Variants in SENP7 observed in about 807,000 individuals in gnomAD.
SENP7 encodes SUMO specific peptidase 7, also known as sentrin-specific protease 7.
Under a neutral mutation model 141.2 loss-of-function variants are expected in SENP7, and 64 were observed. That is an observed-to-expected ratio of 0.45 (90% CI 0.37 to 0.56). The LOEUF (loss-of-function observed/expected upper bound fraction) is 0.56. Ranked by LOEUF, SENP7 falls within the 20% of genes least tolerant of loss-of-function variation. SENP7 has a pLI of 0.00. For synonymous variants in SENP7, 382 were observed against 426.4 expected (o/e 0.90, Z 1.28); for missense variants, 1,025 against 1,212.2 (o/e 0.85, Z 2.29).
intron 1 of SENP7, among the ~76,000 whole-genome samples, chr3:101,512,556 C>A (rs1042667758): frequency 6.6e-6 from 1 of 152,238 alleles, no homozygotes; most frequent in Non-Finnish European, 1.5e-5. Flanking sequence ...ATTAGGCGGG[C>A]CTGTTCAGCA....
At chr3:101,363,161 G>A (rs1194655412) in intron 10 of SENP7, 1 of 936,954 alleles carries the variant, frequency 1.1e-6, no homozygotes, top group Non-Finnish European at 1.3e-6. Flanking sequence ...TCATTCTCAT[G>A]TTTTATTGCT....
chr3:101,367,508 GA>G (rs1287034339), intron 8 of SENP7, among the ~76,000 whole-genome samples: 2 of 151,956 alleles, frequency 1.3e-5, no homozygotes, highest in African/African-American at 4.8e-5. Flanking sequence ...TAGACAGTAT[GA>G]ATAGTATTTG....
At chr3:101,500,129 T>C (rs967869748) in intron 2 of SENP7, among the ~76,000 whole-genome samples, 1 of 152,362 alleles carries the variant, frequency 6.6e-6, no homozygotes, top group East Asian at 1.9e-4. Flanking sequence ...GCTATAACTA[T>C]ATAACATGAA....
intron 5 of SENP7, chr3:101,414,218 AC>A (rs1039325481): frequency 1.1e-5 from 6 of 568,348 alleles, no homozygotes; most frequent in Non-Finnish European, 1.9e-5. Context: ...GTGTGGGGTC[AC>A]CATAACAGCT....
chr3:101,387,080 C>G (rs2060677393), intron 6 of SENP7, among the ~76,000 whole-genome samples: 1 of 152,130 alleles, frequency 6.6e-6, no homozygotes, highest in African/African-American at 2.4e-5. Flanking sequence ...CTGGCCACTG[C>G]CACCATCACC....
chr3:101,451,850 A>C (rs1363122127), intron 4 of SENP7, among the ~76,000 whole-genome samples: 1 of 152,210 alleles, frequency 6.6e-6, no homozygotes, highest in East Asian at 1.9e-4. Context: ...ATTGTGTTGG[A>C]AGTTCTGGCC....
intron 4 of SENP7, 141 bp from the exon 5 acceptor site, chr3:101,417,931 A>G: frequency 3.2e-6 from 2 of 625,198 alleles, no homozygotes; most frequent in South Asian, 4.7e-5. Flanking sequence ...AAAAGAAAAA[A>G]TGCCTAACTA....
intron 6 of SENP7, among the ~76,000 whole-genome samples, chr3:101,395,750 G>T (rs2060949770): frequency 6.6e-6 from 1 of 152,202 alleles, no homozygotes; most frequent in Non-Finnish European, 1.5e-5. Flanking sequence ...CATAACAATT[G>T]CTTTGGCAGC....
intron 1 of SENP7, among the ~76,000 whole-genome samples, chr3:101,511,306 G>A (rs1425304456): frequency 1.3e-5 from 2 of 152,154 alleles, no homozygotes; most frequent in African/African-American, 2.4e-5. Context: ...AAAAAGGAAC[G>A]TGACTTGTTG....
chr3:101,335,076 G>T (rs1037598006), intron 17 of SENP7, among the ~76,000 whole-genome samples: 2 of 152,156 alleles, frequency 1.3e-5, no homozygotes, highest in Non-Finnish European at 2.9e-5. Context: ...AAATGAAGAC[G>T]TAAACAAACG....
At chr3:101,463,374 T>TAC (rs2063626277) in intron 3 of SENP7, among the ~76,000 whole-genome samples, 1 of 86,006 alleles carries the variant, frequency 1.2e-5, no homozygotes, top group Non-Finnish European at 2.2e-5. Flanking sequence ...AATATATATA[T>TAC]ATATATATAT....
At chr3:101,513,046 C>CA in intron 1 of SENP7, 45 bp downstream of exon 1, 1 of 1,604,308 alleles carries the variant, frequency 6.2e-7, no homozygotes, top group South Asian at 1.1e-5. Context: ...CCGTTTCCCC[C>CA]GGGTAGGAGA....
chr3:101,444,432 C>G (rs2062804752), intron 4 of SENP7, among the ~76,000 whole-genome samples: 1 of 151,986 alleles, frequency 6.6e-6, no homozygotes. Context: ...GATATAAAGA[C>G]ACATGCACAC....
chr3:101,468,958 T>C (rs941095235), intron 3 of SENP7, among the ~76,000 whole-genome samples: 1 of 152,134 alleles, frequency 6.6e-6, no homozygotes, highest in Non-Finnish European at 1.5e-5. Context: ...GTGTGCTGTA[T>C]TCAGGAGACC....
intron 1 of SENP7, among the ~76,000 whole-genome samples, chr3:101,505,686 C>A (rs2065572802): frequency 6.6e-6 from 1 of 152,116 alleles, no homozygotes. Flanking sequence ...TATTTTAAAG[C>A]TAGACAACCT....
intron 3 of SENP7, among the ~76,000 whole-genome samples, chr3:101,492,048 C>A (rs577024527): frequency 1.3e-5 from 2 of 151,540 alleles, no homozygotes; most frequent in Non-Finnish European, 2.9e-5. Flanking sequence ...GCCGAGATCG[C>A]GACATTGCAC....
chr3:101,422,046 T>C (rs947066947), intron 4 of SENP7, among the ~76,000 whole-genome samples: 2 of 151,986 alleles, frequency 1.3e-5, no homozygotes, highest in Non-Finnish European at 2.9e-5. Context: ...CAGCAGGAGG[T>C]GAACGGTGGG....
At chr3:101,457,853 T>C (rs1383297698) in intron 4 of SENP7, 5 of 542,216 alleles carry the variant, frequency 9.2e-6, no homozygotes, top group Admixed American at 6.3e-5. Flanking sequence ...AGGGGAATGA[T>C]GTATGTTGTG....
At chr3:101,452,880 T>A (rs1287458194) in intron 4 of SENP7, among the ~76,000 whole-genome samples, 2 of 152,120 alleles carry the variant, frequency 1.3e-5, no homozygotes, top group Non-Finnish European at 2.9e-5. Flanking sequence ...CTACTTAAAC[T>A]AAAGAGCTTC....
Sources: allele counts gnomAD v4.1 joint callset (sites outside exome capture counted in the v4.1 genomes callset), GRCh38; gene constraint gnomAD v4.1.1; transcripts MANE v1.5; gene names NCBI Gene and HGNC (gene_info 2026-07-23, HGNC 2026-07-21).